Variants in KAT7 observed in about 807,000 individuals in gnomAD.
KAT7 encodes histone acetyltransferase KAT7.
In KAT7, 10 loss-of-function variants were observed where a neutral mutation model predicts 82.1. The ratio of observed to expected loss-of-function variants is 0.12; its 90% CI spans 0.08 to 0.21. The LOEUF (loss-of-function observed/expected upper bound fraction) is 0.21, where lower values mean the gene tolerates loss of function less well. KAT7 is among the 10% of genes least tolerant of loss of function. The probability of loss-of-function intolerance (pLI) is 1.00; values close to 1 mark genes in which losing one functional copy is unlikely to be tolerated. For missense variants in KAT7, 378 were observed against 760.9 expected, an observed-to-expected ratio of 0.50 and a Z score of 5.92; for synonymous variants, 250 against 262.5, an observed-to-expected ratio of 0.95 and a Z score of 0.46.
Position 49,801,582 on chromosome 17 carries a change from C to T in KAT7, c.580+3024C>T, listed in dbSNP as rs547280494. On this transcript the variant is annotated intron_variant, in intron 4 of 14. Coordinates refer to ENST00000259021, the MANE Select transcript of KAT7 (RefSeq NM_007067.5). ...TCAGCTCACTGCAACCTCCACCTCC[C>T]AGGCTTAATTGATCCTCCAACCTCA... 2.0e-5 allele frequency among the ~76,000 whole-genome samples: 3 copies of T among 152,266 alleles called. No individual in the cohort carries two copies. The South Asian group carries it at 6.2e-4, about 32-fold the overall frequency.
At chr17:49,817,384 A>G (rs145768822) in intron 8 of KAT7, among the ~76,000 whole-genome samples, 115 of 152,286 alleles carry the variant, frequency 7.6e-4, no homozygotes, top group African/African-American at 2.6e-3. Context: ...AGCTCTCTTT[A>G]GTGTAAATTC....
At chr17:49,797,314 C>T (rs918851070) in intron 3 of KAT7, among the ~76,000 whole-genome samples, 3 of 152,204 alleles carry the variant, frequency 2.0e-5, no homozygotes, top group Non-Finnish European at 2.9e-5. Context: ...CCACCCGCCT[C>T]AGCCTCCCAA....
chr17:49,798,960 A>G (rs1196186400), intron 4 of KAT7, among the ~76,000 whole-genome samples: 2 of 152,212 alleles, frequency 1.3e-5, no homozygotes, highest in Non-Finnish European at 2.9e-5. Flanking sequence ...GAAATGAGAA[A>G]AACATTTCCT....
chr17:49,801,765 C>T (rs1050568394), intron 4 of KAT7, among the ~76,000 whole-genome samples: 3 of 152,228 alleles, frequency 2.0e-5, no homozygotes, highest in Non-Finnish European at 4.4e-5. Context: ...GTTGGGATTA[C>T]AGGCGTGAGC....
chr17:49,806,729 G>T (rs2074096177), intron 5 of KAT7, among the ~76,000 whole-genome samples: 2 of 152,250 alleles, frequency 1.3e-5, no homozygotes, highest in African/African-American at 2.4e-5. Flanking sequence ...ATATGACCAT[G>T]TAACGTTAAG....
At position 49,788,722 on chromosome 17, in the gene KAT7, T is replaced by C; in HGVS notation, c.-113T>C. On this transcript the variant is annotated 5_prime_UTR_variant, in exon 1 of 15. Transcript: ENST00000259021. The stretch of plus-strand genomic sequence containing the variant: ...GCTGAGAGGCAGGAGGCACTAGGGA[T>C]CGTCCGCAGGATTGGGACTGATACA... 8.4e-7 allele frequency: 1 copy of C among 1,189,576 alleles called. No individual in the cohort carries two copies. The highest frequency in any genetic ancestry group is 1.2e-6 in the Non-Finnish European group (1 of 860,556). 73.7% of individuals were successfully genotyped at this position (1,189,576 alleles called of 1,614,324 possible).
chr17:49,788,986 G>A, intron 1 of KAT7, 137 bp downstream of exon 1: 1 of 743,390 alleles, frequency 1.3e-6, no homozygotes, highest in Non-Finnish European at 2.0e-6. Flanking sequence ...CCTCTCTTCT[G>A]TCCATACCCA....
chr17:49,819,137 G>A (rs999885306), intron 9 of KAT7, among the ~76,000 whole-genome samples: 5 of 152,088 alleles, frequency 3.3e-5, no homozygotes, highest in African/African-American at 1.2e-4. Context: ...CATATGTTGA[G>A]CATCTATGAC....
At chr17:49,821,076 A>G (rs1206908520) in intron 9 of KAT7, among the ~76,000 whole-genome samples, 1 of 152,116 alleles carries the variant, frequency 6.6e-6, no homozygotes, top group Non-Finnish European at 1.5e-5. Context: ...GGTGATTTTA[A>G]TCTCCTGGGC....
intron 4 of KAT7, 80 bp downstream of exon 4, chr17:49,798,638 G>T (rs2073985675): frequency 4.1e-6 from 6 of 1,466,790 alleles, no homozygotes; most frequent in Non-Finnish European, 4.6e-6. Context: ...TTTGTGTTCT[G>T]TTGGGATTTA....
At position 49,829,293 on chromosome 17, in the gene KAT7, A is replaced by G. The variant is rs965054863; in HGVS notation, c.*1791A>G. ...GAGTGCTCACTCTGAACTTCTCTAG[A>G]TGGTGGCACAAATTTGATCTGCCTC... On this transcript the variant is annotated 3_prime_UTR_variant, in exon 15 of 15. Coordinates refer to ENST00000259021, the MANE Select transcript of KAT7 (RefSeq NM_007067.5). The G allele has an allele frequency of 4.6e-5, 7 of 152,206 alleles. No individual in the cohort carries two copies. Among genetic ancestry groups the G allele is most frequent in the African/African-American group, 1.7e-4 (7 of 41,450 alleles). 9.4% of individuals were successfully genotyped at this position (152,206 alleles called of 1,614,324 possible).
chr17:49,791,099 G>A (rs944306964), intron 1 of KAT7, among the ~76,000 whole-genome samples: 3 of 152,170 alleles, frequency 2.0e-5, no homozygotes, highest in South Asian at 2.1e-4. Context: ...GTGGAGAAAC[G>A]TCAAGGATAG....
chr17:49,803,580 A>C (rs951488168), intron 4 of KAT7, among the ~76,000 whole-genome samples: 1 of 151,750 alleles, frequency 6.6e-6, no homozygotes, highest in African/African-American at 2.4e-5. Flanking sequence ...ACCCGCCACC[A>C]CACCCGGCTA....
chr17:49,821,309 C>G, intron 9 of KAT7, 28 bp from the exon 10 acceptor site: 4 of 1,563,874 alleles, frequency 2.6e-6, no homozygotes, highest in Non-Finnish European at 3.5e-6. Flanking sequence ...GGCTTTGGTT[C>G]CCTGATGTGA....
In KAT7 at chr17:49,788,854, G is replaced by A. The variant is rs1456994060; in HGVS notation, c.15+5G>A. On this transcript the variant is annotated splice_donor_5th_base_variant and intron_variant, in intron 1 of 14. Coordinates refer to ENST00000259021, the MANE Select transcript of KAT7 (RefSeq NM_007067.5). ...CCGGCAATGCCGCGAAGGAAGGTGA[G>A]AAACGGGAGAGGAGGGATGGCGGGT... 2 of 1,588,388 alleles carry A rather than the reference G, an allele frequency of 1.3e-6. No individual in the cohort carries two copies. The highest frequency in any genetic ancestry group is 1.1e-5 in the South Asian group (1 of 89,140).
Position 49,796,834 on chromosome 17 carries a change from A to C in KAT7, c.248A>C (p.Gln83Pro). 1 of 1,614,154 alleles carries C rather than the reference A, an allele frequency of 6.2e-7. No individual in the cohort carries two copies. Among genetic ancestry groups the C allele is most frequent in the South Asian group, 1.1e-5 (1 of 91,086 alleles). Residue 83 changes from glutamine (Q) to proline (P), a missense_variant, in exon 3 of 15, where the codon CAG becomes CCG. Gln to Pro is a moderately conservative substitution (Grantham distance 76). Around this residue, in one of 6 missense-constraint regions of KAT7, gnomAD observed 161 missense variants for 229.6 expected, o/e 0.70. Coordinates refer to ENST00000259021, the MANE Select transcript of KAT7 (RefSeq NM_007067.5). ...AGAAGAGTGACCCGTAGTCAGCAGCAGCCTACCCCAGTGACACCGAAAAAA... is the reference window on the plus strand; with the variant it reads ...AGAAGAGTGACCCGTAGTCAGCAGCCGCCTACCCCAGTGACACCGAAAAAA... ...STRRVTRSQQQPTPVTPKKYP... is the reference protein window; with the variant it reads ...STRRVTRSQQPPTPVTPKKYP...
rs761247272 is a variant in KAT7 at position 49,821,894 on chromosome 17, A to AATGATGAC, written c.1386+106_1386+113dup. ...GACAGGAAGAAGCTGTACTCTGGGCAATGATGACACCCCTTCCTTAAATTA... is the reference window on the plus strand; with the variant it reads ...GACAGGAAGAAGCTGTACTCTGGGCAATGATGACATGATGACACCCCTTCCTTAAATTA... On this transcript the variant is annotated intron_variant, in intron 11 of 14. Coordinates refer to ENST00000259021, the MANE Select transcript of KAT7 (RefSeq NM_007067.5). 68 of 970,618 alleles carry AATGATGAC rather than the reference A, an allele frequency of 7.0e-5. 1 individual carries two copies. The highest frequency in any genetic ancestry group is 1.0e-4 in the Non-Finnish European group (63 of 628,716). 60.1% of individuals were successfully genotyped at this position (970,618 alleles called of 1,614,324 possible).
At chr17:49,826,465 T>C (rs982656347) in intron 13 of KAT7, 11 of 527,936 alleles carry the variant, frequency 2.1e-5, no homozygotes, top group African/African-American at 2.1e-4. Context: ...TGATCTATAT[T>C]TGATCCTGAT....
chr17:49,816,838 G>T lies in KAT7; in HGVS notation c.963+925G>T, dbSNP rs922770523. On this transcript the variant is annotated intron_variant, in intron 8 of 14. Transcript: ENST00000259021. Reference sequence around the variant, plus strand: ...GAATTTTTTTTTTTTCTGAGACAGGGTTTTGCCCTGTTGCCCAAACTGGAG... The same window carrying T: ...GAATTTTTTTTTTTTCTGAGACAGGTTTTTGCCCTGTTGCCCAAACTGGAG... 1.2e-4 allele frequency among the ~76,000 whole-genome samples: 18 copies of T among 151,866 alleles called. 1 individual carries two copies. Among genetic ancestry groups the T allele is most frequent in the African/African-American group, 4.4e-4 (18 of 41,326 alleles).
Sources: allele counts gnomAD v4.1 joint callset (sites outside exome capture counted in the v4.1 genomes callset), GRCh38; gene constraint gnomAD v4.1.1; regional missense constraint gnomAD v4.1.1; transcripts MANE v1.5; gene names NCBI Gene and HGNC (gene_info 2026-07-23, HGNC 2026-07-21).